BYSL: variants seen among roughly 807,000 people sequenced by gnomAD.
BYSL encodes bystin.
Under a neutral mutation model 45.4 loss-of-function variants are expected in BYSL, and 21 were observed. That is an observed-to-expected ratio of 0.46 (90% CI 0.33 to 0.67). The LOEUF is 0.67. Among genes scored for constraint, BYSL ranks in the 30% least tolerant of loss-of-function variants. The pLI, the probability that BYSL is intolerant of heterozygous loss-of-function variation, is 0.02. For missense variants in BYSL, 522 were observed against 578.5 expected, an observed-to-expected ratio of 0.90 and a Z score of 1.00; for synonymous variants, 215 against 231.3, an observed-to-expected ratio of 0.93 and a Z score of 0.64.
At chr6:41,925,743 C>T (rs188643838) in intron 1 of BYSL, among the ~76,000 whole-genome samples, 1,645 of 151,572 alleles carry the variant, frequency 0.011, 29 homozygotes, top group South Asian at 0.047. Context: ...TGCAGTGGCG[C>T]GATCTCGGCT....
At position 41,932,399 on chromosome 6, in the gene BYSL, G is replaced by GT; in HGVS notation, c.1008dup (p.Ala337CysfsTer12). 1 of 1,613,466 alleles carries GT rather than the reference G, an allele frequency of 6.2e-7. No homozygotes were observed. Among genetic ancestry groups the GT allele is most frequent in the Non-Finnish European group, 8.5e-7 (1 of 1,180,016 alleles). On this transcript the variant is annotated frameshift_variant, in exon 7 of 7. Transcript: ENST00000230340. LOFTEE classifies it high-confidence loss of function. This position sits in a 1 kb window ranked among gnomAD's most constrained non-coding sequence, Gnocchi z 4.7. The stretch of plus-strand genomic sequence containing the variant: ...AAAATTGCTGAGATGGAATACAGCG[G>GT]TGCCAACAGCATCTTCCTGCGACTG...
At chr6:41,923,675 C>T (rs1215036835) in intron 1 of BYSL, among the ~76,000 whole-genome samples, 2 of 152,130 alleles carry the variant, frequency 1.3e-5, no homozygotes, top group African/African-American at 4.8e-5. Flanking sequence ...CTCAAACGAC[C>T]CTCCCTGCCT....
chr6:41,920,619 ACAAAAAGTAACCGGG>A (rs1269690037), upstream of BYSL, among the ~76,000 whole-genome samples: 7 of 152,134 alleles, frequency 4.6e-5, no homozygotes, highest in African/African-American at 1.2e-4. Context: ...TACTAAAAAT[ACAAAAAGTAACCGGG>A]CGTGGTGGCG....
upstream of BYSL, among the ~76,000 whole-genome samples, chr6:41,919,315 AT>A (rs1446276371): frequency 2.0e-5 from 3 of 152,156 alleles, no homozygotes; most frequent in Non-Finnish European, 4.4e-5. Flanking sequence ...CTGTTAAAAC[AT>A]TAAGGAAAAT....
At position 41,921,624 on chromosome 6, in the gene BYSL, A is replaced by G; in HGVS notation, c.62A>G (p.Asp21Gly). The G allele has an allele frequency of 1.2e-6, 2 of 1,613,048 alleles. No individual in the cohort carries two copies. The highest frequency in any genetic ancestry group is 2.2e-5 in the East Asian group (1 of 44,854). The change falls in exon 1 of 7, where the codon GAT becomes GGT. Residue 21 changes from aspartate (D) to glycine (G), a missense_variant. By Grantham distance (94) the Asp-to-Gly change is moderately conservative (BLOSUM62 -1). Coordinates refer to ENST00000230340, the MANE Select transcript of BYSL (RefSeq NM_004053.4). ...CAGGAAAAACATGCGCCCCTGGCCG[A>G]TCAGATCCTGGCTGGGAATGCGGTG... ...GGQEKHAPLA[D>G]QILAGNAVRA...
At chr6:41,925,741 C>T (rs929737000) in intron 1 of BYSL, among the ~76,000 whole-genome samples, 2 of 151,494 alleles carry the variant, frequency 1.3e-5, no homozygotes, top group Non-Finnish European at 2.9e-5. Flanking sequence ...AGTGCAGTGG[C>T]GCGATCTCGG....
chr6:41,921,118 T>C, upstream of BYSL: 3 of 1,469,056 alleles, frequency 2.0e-6, no homozygotes, highest in Non-Finnish European at 2.8e-6. Context: ...ACCTTCTGTC[T>C]CAGAAGGGAC....
Position 41,930,314 on chromosome 6 carries a change from G to A in BYSL, c.570+44G>A, listed in dbSNP as rs748357358. The A allele has an allele frequency of 5.7e-6, 9 of 1,589,316 alleles. No individual in the cohort carries two copies. In the Admixed American group the frequency reaches 7.1e-5, roughly 13 times the overall value. On this transcript the variant is annotated intron_variant, in intron 3 of 6. Transcript: ENST00000230340. ...GCCATGGTGGAAGACCCCTTTGGGG[G>A]CTGTGGGCTCCTGCCACAGGCTTTT...
chr6:41,910,535 G>A, the BYSL span, among the ~76,000 whole-genome samples: 1 of 151,748 alleles, frequency 6.6e-6, no homozygotes, highest in Non-Finnish European at 1.5e-5. Flanking sequence ...GGGAGGCTGA[G>A]GCACGAGAAT....
At chr6:41,930,869 T>G (rs1025221811) in intron 4 of BYSL, 101 bp downstream of exon 4, 54 of 1,449,412 alleles carry the variant, frequency 3.7e-5, no homozygotes, top group Non-Finnish European at 4.7e-5. Context: ...ATTTGAGCTT[T>G]GCCCCAGGGC....
chr6:41,916,782 G>T, upstream of BYSL: 1 of 1,613,774 alleles, frequency 6.2e-7, no homozygotes, highest in South Asian at 1.1e-5. Flanking sequence ...CCATCTCACT[G>T]ACCTTGGCTG....
At chr6:41,909,474 A>C in the BYSL span, 6 of 1,614,258 alleles carry the variant, frequency 3.7e-6, no homozygotes, top group Non-Finnish European at 5.1e-6. Context: ...GAAACAGCTC[A>C]ATGGGTACTC....
At chr6:41,921,077 C>G, upstream of BYSL, 1 of 1,601,122 alleles carries the variant, frequency 6.2e-7, no homozygotes, top group Non-Finnish European at 8.5e-7. Context: ...TCCCTGTCCG[C>G]CCACAGAAAC....
chr6:41,921,114 T>A (rs866472655), upstream of BYSL: 1 of 1,523,962 alleles, frequency 6.6e-7, no homozygotes, highest in Admixed American at 1.8e-5. Context: ...CACAACCTTC[T>A]GTCTCAGAAG....
the BYSL span, among the ~76,000 whole-genome samples, chr6:41,916,084 A>C: frequency 1.3e-5 from 2 of 151,466 alleles, no homozygotes; most frequent in African/African-American, 2.4e-5. Flanking sequence ...CTGTCTCTAC[A>C]AAAAATTTAA....
At chr6:41,921,101 C>T (rs1047135426), upstream of BYSL, 1 of 1,559,094 alleles carries the variant, frequency 6.4e-7, no homozygotes, top group East Asian at 2.3e-5. Flanking sequence ...TTCAGTTCCC[C>T]AACACAACCT....
At chr6:41,917,072 C>A (rs1006667594), upstream of BYSL, 25 of 895,172 alleles carry the variant, frequency 2.8e-5, no homozygotes, top group East Asian at 2.5e-4. Context: ...TGACCGTCTC[C>A]CAATCCCTGC....
rs1775479444 is a variant in BYSL at position 41,921,731 on chromosome 6, C to T, written c.169C>T (p.Arg57Trp). The change falls in exon 1 of 7, where the codon CGG (arginine) becomes TGG (tryptophan). Residue 57 changes from arginine (R) to tryptophan (W), a missense_variant. Coordinates refer to ENST00000230340, the MANE Select transcript of BYSL (RefSeq NM_004053.4). ...EEYVGPRLSR[R>W]ILQQARQQQE... The stretch of plus-strand genomic sequence containing the variant: ...GTATGTGGGGCCCCGGCTGAGCCGA[C>T]GGATTTTGCAGCAAGCACGGCAGCA... 2.5e-6 allele frequency: 4 copies of T among 1,613,334 alleles called. No individual in the cohort carries two copies. Among genetic ancestry groups the T allele is most frequent in the Non-Finnish European group, 3.4e-6 (4 of 1,179,872 alleles).
intron 2 of BYSL, among the ~76,000 whole-genome samples, chr6:41,929,155 G>A (rs1775602181): frequency 1.3e-5 from 2 of 152,130 alleles, no homozygotes; most frequent in Non-Finnish European, 2.9e-5. Flanking sequence ...ACCTCCCTCA[G>A]CCTCCCAAAG....
Sources: allele counts gnomAD v4.1 joint callset (sites outside exome capture counted in the v4.1 genomes callset), GRCh38; gene constraint gnomAD v4.1.1; non-coding constraint Gnocchi (gnomAD v3.1); transcripts MANE v1.5; gene names NCBI Gene and HGNC (gene_info 2026-07-23, HGNC 2026-07-21).